Variants in SUN2 observed in about 807,000 individuals in gnomAD.
SUN2 encodes the protein SUN domain-containing protein 2.
SUN2 carries 60 observed loss-of-function variants against 100.0 expected under a neutral mutation model. The ratio of observed to expected loss-of-function variants is 0.60; its 90% CI spans 0.49 to 0.74. The LOEUF is 0.74. SUN2 is among the 30% of genes least tolerant of loss of function. SUN2 has a pLI of 0.00. For synonymous variants in SUN2, 367 were observed against 403.3 expected, an observed-to-expected ratio of 0.91 and a Z score of 1.08; for missense variants, 834 against 954.6, an observed-to-expected ratio of 0.87 and a Z score of 1.66.
chr22:38,751,024 G>A lies in SUN2; in HGVS notation c.298C>T (p.Arg100Trp), dbSNP rs1004788441. Residue 100 changes from arginine (R) to tryptophan (W), a missense_variant, in exon 4 of 18, where the codon CGG becomes TGG. Arg to Trp is a moderately radical substitution (Grantham distance 101). Around this residue, in one of 3 missense-constraint regions of SUN2, gnomAD observed 559 missense variants for 597.7 expected, o/e 0.94. Coordinates refer to ENST00000689035, the MANE Select transcript of SUN2 (RefSeq NM_015374.3). ...HGDANWGEDL[R>W]VRRRRGTGGS... ...CCCGTGCCTCTCCTCCTCCGCACCC[G>A]CAGGTCCTCACCTGTGCAGGGAAGA... 1.6e-5 allele frequency: 25 copies of A among 1,612,814 alleles called. No individual in the cohort carries two copies. The highest frequency in any genetic ancestry group is 2.2e-5 in the South Asian group (2 of 90,972).
Position 38,748,714 on chromosome 22 carries a change from A to G in SUN2, c.684T>C (p.Tyr228=). The G allele has an allele frequency of 6.2e-7, 1 of 1,614,224 alleles. No homozygotes were observed. The stretch of plus-strand genomic sequence containing the variant: ...TCTGCTCTCCCCATGCAGGCTCACC[A>G]TACGTCAGGCACGTCAGCAAGAGCA... ...LPLLLLTCLT[Y]GAWYFYPYGL... The change falls in exon 7 of 18, where the codon TAT becomes TAC. Residue 228 remains tyrosine, a splice_region_variant and synonymous_variant. Coordinates refer to ENST00000689035, the MANE Select transcript of SUN2 (RefSeq NM_015374.3).
rs758708361 is a variant in SUN2 at position 38,739,814 on chromosome 22, C to A, written c.1486G>T (p.Val496Leu). The A allele has an allele frequency of 6.2e-7, 1 of 1,613,678 alleles. No individual in the cohort carries two copies. The highest frequency in any genetic ancestry group is 8.5e-7 in the Non-Finnish European group (1 of 1,180,038). Residue 496 changes from valine to leucine, a missense_variant, in exon 13 of 18, where the codon GTG (valine) becomes TTG (leucine). This residue lies in a region of SUN2 where 195 missense variants were observed against 280.2 expected (regional missense o/e 0.70). Coordinates refer to ENST00000689035, the MANE Select transcript of SUN2 (RefSeq NM_015374.3). This position sits in a 1 kb window ranked among gnomAD's most constrained non-coding sequence, Gnocchi z 6.7. ...RELESKILTH[V>L]AEMQGKSARE... The stretch of plus-strand genomic sequence containing the variant: ...GCCGACTTGCCCTGCATCTCTGCCA[C>A]ATGGGTGAGGATCTTGCTCTCCAGC...
chr22:38,740,478 A>C lies in SUN2; in HGVS notation c.1191-46T>G. 7.0e-7 allele frequency: 1 copy of C among 1,420,604 alleles called. No individual in the cohort carries two copies. Among genetic ancestry groups the C allele is most frequent in the African/African-American group, 1.5e-5 (1 of 68,774 alleles). 88.0% of individuals were successfully genotyped at this position (1,420,604 alleles called of 1,614,324 possible). ...GTAAGCCTCGGATCTCTTTGGTGGG[A>C]GGTAAGGCCACACCAAAGATGAAAG... On this transcript the variant is annotated intron_variant, in intron 11 of 17. Coordinates refer to ENST00000689035, the MANE Select transcript of SUN2 (RefSeq NM_015374.3). The surrounding 1 kb of genome is among the most constrained non-coding windows in gnomAD (Gnocchi z 4.8).
rs116368121 is a variant in SUN2 at position 38,746,027 on chromosome 22, C to T, written c.686-216G>A. The stretch of plus-strand genomic sequence containing the variant: ...GAGCATATTCATTCTCACACCCCCA[C>T]GGGAATCCTTCATCTTTCTGTAAGT... On this transcript the variant is annotated intron_variant, in intron 7 of 17. Transcript: ENST00000689035. 5.7e-3 allele frequency among the ~76,000 whole-genome samples: 867 copies of T among 152,326 alleles called. 5 individuals carry two copies. The highest frequency in any genetic ancestry group is 0.02 in the African/African-American group (831 of 41,558).
chr22:38,738,512 G>A lies in SUN2; in HGVS notation c.1947+75C>T. 6.4e-7 allele frequency: 1 copy of A among 1,555,662 alleles called. No homozygotes were observed. Among genetic ancestry groups the A allele is most frequent in the Admixed American group, 1.8e-5 (1 of 56,186 alleles). ...TCCCTTCCAGTCCAAGGGTGACCCTGACTTGATCCTCAGTAGAGAGGCCCA... is the reference window on the plus strand; with the variant it reads ...TCCCTTCCAGTCCAAGGGTGACCCTAACTTGATCCTCAGTAGAGAGGCCCA... On this transcript the variant is annotated intron_variant, in intron 16 of 17. Transcript: ENST00000689035. The surrounding 1 kb of genome is among the most constrained non-coding windows in gnomAD (Gnocchi z 6.6).
chr22:38,742,779 G>A (rs1409664583), intron 8 of SUN2: 27 of 574,774 alleles, frequency 4.7e-5, no homozygotes, highest in Non-Finnish European at 7.6e-5. Flanking sequence ...ACAGAGGAAG[G>A]TCCCTGAGGA....
rs2092954834 is a variant in SUN2, at chr22:38,752,587, A to G, written c.42T>C (p.Gly14=). Residue 14 remains glycine, a synonymous_variant, in exon 2 of 18, where the codon GGT becomes GGC. Transcript: ENST00000689035. ...RSQRLTRYSQ[G]DDDGSSSSGG... ...CGCTGCTGCTGCTGCCGTCATCGTCACCCTGGGAGTAGCGCGTGAGGCGCT... is the reference window on the plus strand; with the variant it reads ...CGCTGCTGCTGCTGCCGTCATCGTCGCCCTGGGAGTAGCGCGTGAGGCGCT... 6.2e-7 allele frequency: 1 copy of G among 1,613,910 alleles called. No homozygotes were observed. The highest frequency in any genetic ancestry group is 8.5e-7 in the Non-Finnish European group (1 of 1,179,942).
chr22:38,745,596 T>C (rs2146023461), intron 8 of SUN2, 88 bp downstream of exon 8: 7 of 1,544,270 alleles, frequency 4.5e-6, no homozygotes, highest in Non-Finnish European at 4.4e-6. Flanking sequence ...GTGTGTACGG[T>C]GTGAGGCAGG....
In SUN2 at chr22:38,740,918, C is replaced by T; in HGVS notation, c.1190+89G>A. 2.2e-6 allele frequency: 3 copies of T among 1,378,460 alleles called. No homozygotes were observed. The highest frequency in any genetic ancestry group is 3.0e-6 in the Non-Finnish European group (3 of 995,648). The allele number at this position is 1,378,460 out of a possible 1,614,324, so 85.4% of individuals were successfully genotyped here. A position where few individuals can be genotyped will look rare whatever the true frequency, so the allele number is the denominator to read the frequency against. On this transcript the variant is annotated intron_variant, in intron 11 of 17. Coordinates refer to ENST00000689035, the MANE Select transcript of SUN2 (RefSeq NM_015374.3). The surrounding 1 kb of genome is among the most constrained non-coding windows in gnomAD (Gnocchi z 4.8). ...TGCTTGGCAAGATGATCAGAACTCT[C>T]TGCTCTGCGGCTCTGCTCCCCAGTC...
At position 38,755,922 on chromosome 22, in the gene SUN2, C is replaced by T. The variant is rs1260360781; in HGVS notation, c.-197G>A. 4.1e-6 allele frequency: 4 copies of T among 982,770 alleles called. No individual in the cohort carries two copies. The highest frequency in any genetic ancestry group is 1.8e-5 in the African/African-American group (1 of 56,898). 60.9% of individuals were successfully genotyped at this position (982,770 alleles called of 1,614,324 possible). On this transcript the variant is annotated 5_prime_UTR_variant, in exon 1 of 18. Transcript: ENST00000689035. The surrounding 1 kb of genome is among the most constrained non-coding windows in gnomAD (Gnocchi z 5.7). The stretch of plus-strand genomic sequence containing the variant: ...CGCGGGCACGCGAAGAGCGGCGACG[C>T]GGGACAAGGCGGGCGGGCGGACAAT...
intron 1 of SUN2, chr22:38,754,828 G>A: frequency 5.4e-6 from 7 of 1,285,540 alleles, no homozygotes; most frequent in South Asian, 1.2e-5. Context: ...ACCCGCCTCC[G>A]CCCTCCCAGA....
Position 38,735,945 on chromosome 22 carries a change from C to T in SUN2, c.*322G>A. 1 of 246,714 alleles carries T rather than the reference C, an allele frequency of 4.1e-6. No individual in the cohort carries two copies. The highest frequency in any genetic ancestry group is 5.2e-5 in the South Asian group (1 of 19,240). 15.3% of individuals were successfully genotyped at this position (246,714 alleles called of 1,614,324 possible). ...TTCATCAGCTCCCAGGCACCAGCCC[C>T]TGACCCCAGCCAAGACCAGTCAGGT... is the stretch of plus-strand genomic sequence containing the variant. On this transcript the variant is annotated 3_prime_UTR_variant, in exon 18 of 18. Transcript: ENST00000689035.
Position 38,740,391 on chromosome 22 carries a change from A to G in SUN2, c.1232T>C (p.Leu411Pro). ...ESFQESSVKE[L>P]RRLEDQLAGL... ...GGCCAGCTGGTCCTCCAGCCGCCTC[A>G]GCTCCTTCACAGAGCTCTCCTGGAA... Residue 411 changes from leucine to proline, a missense_variant, in exon 12 of 18, where the codon CTG becomes CCG. By Grantham distance (98) the Leu-to-Pro change is moderately conservative. Around this residue, in one of 3 missense-constraint regions of SUN2, gnomAD observed 559 missense variants for 597.7 expected, o/e 0.94. Coordinates refer to ENST00000689035, the MANE Select transcript of SUN2 (RefSeq NM_015374.3). This position sits in a 1 kb window ranked among gnomAD's most constrained non-coding sequence, Gnocchi z 4.8. 1 of 1,573,868 alleles carries G rather than the reference A, an allele frequency of 6.4e-7. No individual in the cohort carries two copies. Among genetic ancestry groups the G allele is most frequent in the South Asian group, 1.2e-5 (1 of 86,126 alleles).
intron 2 of SUN2, among the ~76,000 whole-genome samples, chr22:38,752,074 A>G (rs2092949492): frequency 6.6e-6 from 1 of 152,218 alleles, no homozygotes; most frequent in African/African-American, 2.4e-5. Context: ...TGCCAGGTTC[A>G]AGCGATTCTC....
rs1310270304 is a variant in SUN2 at position 38,748,736 on chromosome 22, A to G, written c.662T>C (p.Leu221Pro). The G allele has an allele frequency of 1.2e-6, 2 of 1,614,228 alleles. No homozygotes were observed. Among genetic ancestry groups the G allele is most frequent in the African/African-American group, 1.3e-5 (1 of 75,070 alleles). Residue 221 changes from leucine to proline, a missense_variant, in exon 7 of 18, where the codon CTC becomes CCC. Coordinates refer to ENST00000689035, the MANE Select transcript of SUN2 (RefSeq NM_015374.3). ...ACCATACGTCAGGCACGTCAGCAAG[A>G]GCAGCGGCAGCAGGAACCAGAGGAA... ...KTFLWFLLPL[L>P]LLTCLTYGAW...
intron 9 of SUN2, 57 bp downstream of exon 9, chr22:38,742,244 T>C: frequency 6.5e-7 from 1 of 1,529,198 alleles, no homozygotes; most frequent in Non-Finnish European, 8.8e-7. Context: ...GCTGGGCACC[T>C]TCACGCTTTC....
intron 7 of SUN2, among the ~76,000 whole-genome samples, chr22:38,746,827 C>G (rs547083091): frequency 6.7e-6 from 1 of 149,110 alleles, no homozygotes; most frequent in South Asian, 2.1e-4. Flanking sequence ...GTCAGGAGAT[C>G]GAGACCATCC....
chr22:38,737,931 C>T lies in SUN2; in HGVS notation c.2040+242G>A, dbSNP rs1424352669. ...CCAACCCCTCTTGTGTAAAGCCCAC[C>T]TCCTGGTGTCCTTTTCCAGGAAGCT... On this transcript the variant is annotated intron_variant, in intron 17 of 17. Coordinates refer to ENST00000689035, the MANE Select transcript of SUN2 (RefSeq NM_015374.3). The surrounding 1 kb of genome is among the most constrained non-coding windows in gnomAD (Gnocchi z 4.1). The T allele has an allele frequency of 1.5e-6, 1 of 681,098 alleles. No homozygotes were observed. Among genetic ancestry groups the T allele is most frequent in the East Asian group, 3.0e-5 (1 of 33,838 alleles). 42.2% of individuals were successfully genotyped at this position (681,098 alleles called of 1,614,324 possible).
At chr22:38,750,602 C>T (rs2092937702) in intron 4 of SUN2, among the ~76,000 whole-genome samples, 1 of 152,348 alleles carries the variant, frequency 6.6e-6, no homozygotes, top group East Asian at 1.9e-4. Context: ...GACTGAGCAC[C>T]CACCATGTGT....
Sources: allele counts gnomAD v4.1 joint callset (sites outside exome capture counted in the v4.1 genomes callset), GRCh38; gene constraint gnomAD v4.1.1; regional missense constraint gnomAD v4.1.1; non-coding constraint Gnocchi (gnomAD v3.1); transcripts MANE v1.5; gene names NCBI Gene and HGNC (gene_info 2026-07-23, HGNC 2026-07-21).